UBTD2: variants seen among roughly 807,000 people sequenced by gnomAD.
UBTD2 encodes ubiquitin domain containing 2.
Under a neutral mutation model 19.8 loss-of-function variants are expected in UBTD2, and 9 were observed. That is an observed-to-expected ratio of 0.46 (90% CI 0.27 to 0.79). The LOEUF (loss-of-function observed/expected upper bound fraction) is 0.79, where lower values mean the gene tolerates loss of function less well. Ranked by LOEUF, UBTD2 falls within the 30% of genes least tolerant of loss-of-function variation. The probability of loss-of-function intolerance (pLI) is 0.14; values close to 1 mark genes in which losing one functional copy is unlikely to be tolerated. For missense variants in UBTD2, 250 were observed against 300.4 expected, an observed-to-expected ratio of 0.83 and a Z score of 1.24; for synonymous variants, 98 against 103.9, an observed-to-expected ratio of 0.94 and a Z score of 0.35.
chr5:172,229,778 A>T (rs1348519998), intron 2 of UBTD2, among the ~76,000 whole-genome samples: 1 of 152,174 alleles, frequency 6.6e-6, no homozygotes, highest in East Asian at 1.9e-4. Context: ...ACTGAAAAGT[A>T]CTGAATAGTA....
chr5:172,224,431 C>T (rs1211619041), intron 2 of UBTD2, among the ~76,000 whole-genome samples: 1 of 151,398 alleles, frequency 6.6e-6, no homozygotes, highest in African/African-American at 2.4e-5. Context: ...CCTGAGATTA[C>T]AGGTATGCAC....
chr5:172,271,507 C>T (rs1396196518), intron 1 of UBTD2, among the ~76,000 whole-genome samples: 1 of 151,578 alleles, frequency 6.6e-6, no homozygotes, highest in Non-Finnish European at 1.5e-5. Flanking sequence ...CCCCACTCCT[C>T]CTTGAACTTA....
intron 2 of UBTD2, among the ~76,000 whole-genome samples, chr5:172,218,805 AAAAAT>A (rs1561849274): frequency 4.7e-5 from 5 of 105,970 alleles, no homozygotes; most frequent in African/African-American, 1.8e-4. Context: ...AAATAAAAAA[AAAAAT>A]AAAAAATAAA....
At chr5:172,280,638 C>A (rs1282891589) in intron 1 of UBTD2, among the ~76,000 whole-genome samples, 1 of 151,720 alleles carries the variant, frequency 6.6e-6, no homozygotes, top group East Asian at 1.9e-4. Flanking sequence ...GGTGACAGAG[C>A]AAGATACTAT....
At chr5:172,246,986 C>T (rs904334124) in intron 1 of UBTD2, among the ~76,000 whole-genome samples, 3 of 151,652 alleles carry the variant, frequency 2.0e-5, no homozygotes, top group African/African-American at 7.3e-5. Context: ...AAACTCCTGA[C>T]CCCATGATCC....
chr5:172,253,916 G>T (rs1170808807), intron 1 of UBTD2, among the ~76,000 whole-genome samples: 1 of 151,682 alleles, frequency 6.6e-6, no homozygotes. Context: ...AGCAACCCTA[G>T]GAAAAAAAAA....
intron 2 of UBTD2, among the ~76,000 whole-genome samples, chr5:172,215,106 C>T (rs1421342016): frequency 6.6e-6 from 1 of 152,194 alleles, no homozygotes. Context: ...AAGTGAATTG[C>T]TAAAGGCTCA....
intron 2 of UBTD2, among the ~76,000 whole-genome samples, chr5:172,217,736 G>A (rs1029589844): frequency 6.6e-6 from 1 of 152,014 alleles, no homozygotes; most frequent in Non-Finnish European, 1.5e-5. Flanking sequence ...CAAATGATCC[G>A]CCTACCTCGC....
chr5:172,240,826 C>T (rs560630376), intron 1 of UBTD2, among the ~76,000 whole-genome samples: 169 of 152,260 alleles, frequency 1.1e-3, no homozygotes, highest in African/African-American at 3.9e-3. Context: ...TAGCTCATGC[C>T]TGTAATCCCA....
chr5:172,269,620 G>T (rs935787545), intron 1 of UBTD2, among the ~76,000 whole-genome samples: 1 of 151,340 alleles, frequency 6.6e-6, no homozygotes, highest in East Asian at 1.9e-4. Context: ...GCCTCTTCTC[G>T]TAACAAGATT....
At chr5:172,218,810 TAAAAAATAA>T (rs770043688) in intron 2 of UBTD2, among the ~76,000 whole-genome samples, 3 of 128,370 alleles carry the variant, frequency 2.3e-5, no homozygotes, top group African/African-American at 9.2e-5. Flanking sequence ...AAAAAAAAAA[TAAAAAATAA>T]AAATAAAAAA....
chr5:172,239,087 CA>C (rs36045602), intron 1 of UBTD2, among the ~76,000 whole-genome samples: 48,980 of 150,366 alleles, frequency 0.33, 7,987 homozygotes, highest in South Asian at 0.42. Context: ...AACTAACTGC[CA>C]AAAAAAAATA....
At chr5:172,252,078 A>T (rs577907421) in intron 1 of UBTD2, among the ~76,000 whole-genome samples, 2 of 152,240 alleles carry the variant, frequency 1.3e-5, no homozygotes, top group Non-Finnish European at 2.9e-5. Context: ...TTTCTCAAAG[A>T]TCATAGAACT....
rs993376782 is a variant in UBTD2 at position 172,283,172 on chromosome 5, G to A, written c.70+424C>T. Among the ~76,000 whole-genome samples the A allele has an allele frequency of 6.6e-6, 1 of 152,238 alleles. No homozygotes were observed. The highest frequency in any genetic ancestry group is 1.5e-5 in the Non-Finnish European group (1 of 68,046). ...CCAGCCAACTCCACAGAACAAGGAA[G>A]GGTGCGGAAAGATGTGGCGGGGCCC... is the stretch of plus-strand genomic sequence containing the variant. On this transcript the variant is annotated intron_variant, in intron 1 of 2. Coordinates refer to ENST00000393792, the MANE Select transcript of UBTD2 (RefSeq NM_152277.3). This position sits in a 1 kb window ranked among gnomAD's most constrained non-coding sequence, Gnocchi z 4.3.
intron 1 of UBTD2, among the ~76,000 whole-genome samples, chr5:172,257,127 C>T (rs1220221480): frequency 1.3e-5 from 2 of 152,126 alleles, no homozygotes; most frequent in African/African-American, 4.8e-5. Flanking sequence ...TTTTATGATC[C>T]TCACCCTCCT....
chr5:172,280,090 G>A (rs1278561818), intron 1 of UBTD2, among the ~76,000 whole-genome samples: 2 of 150,498 alleles, frequency 1.3e-5, no homozygotes, highest in African/African-American at 4.9e-5. Context: ...CAACAAGAGT[G>A]AAACGACGTC....
At chr5:172,216,720 C>A (rs1771551354) in intron 2 of UBTD2, among the ~76,000 whole-genome samples, 1 of 151,232 alleles carries the variant, frequency 6.6e-6, no homozygotes, top group Non-Finnish European at 1.5e-5. Context: ...CTTTGGGAGG[C>A]TCTGATGGGC....
At chr5:172,280,664 T>TA (rs1306023163) in intron 1 of UBTD2, among the ~76,000 whole-genome samples, 1 of 152,014 alleles carries the variant, frequency 6.6e-6, no homozygotes, top group African/African-American at 2.4e-5. Flanking sequence ...TAACAAAATA[T>TA]AAAAATAAAA....
At chr5:172,280,892 C>T (rs765383982) in intron 1 of UBTD2, among the ~76,000 whole-genome samples, 1 of 152,082 alleles carries the variant, frequency 6.6e-6, no homozygotes, top group East Asian at 1.9e-4. Flanking sequence ...TATTGATATA[C>T]ACATAATTAC....
Sources: gnomAD v4.1 joint callset for allele counts (sites outside exome capture counted in the v4.1 genomes callset) on GRCh38, gnomAD v4.1.1 for gene constraint, Gnocchi (gnomAD v3.1) non-coding constraint, MANE v1.5 for transcripts, NCBI Gene and HGNC (gene_info 2026-07-23, HGNC 2026-07-21) for gene names.